DPYSL5: variants seen among roughly 807,000 people sequenced by gnomAD.
DPYSL5 encodes dihydropyrimidinase-related protein 5.
A neutral mutation model predicts 58.4 loss-of-function variants in DPYSL5; 9 were observed. The ratio of observed to expected loss-of-function variants is 0.15; its 90% CI spans 0.09 to 0.27. DPYSL5 has a LOEUF of 0.27. DPYSL5 is among the 10% of genes least tolerant of loss of function. DPYSL5 has a pLI of 1.00. For missense variants in DPYSL5, 499 were observed against 770.6 expected, an observed-to-expected ratio of 0.65 and a Z score of 4.17; for synonymous variants, 293 against 301.9, an observed-to-expected ratio of 0.97 and a Z score of 0.31.
At chr2:26,878,832 G>A (rs1663481222) in intron 1 of DPYSL5, among the ~76,000 whole-genome samples, 1 of 152,204 alleles carries the variant, frequency 6.6e-6, no homozygotes, top group Non-Finnish European at 1.5e-5. Flanking sequence ...GCGCCACACA[G>A]CTTCTGTCTG....
chr2:26,880,799 C>A (rs557836078), intron 1 of DPYSL5, among the ~76,000 whole-genome samples: 1 of 152,326 alleles, frequency 6.6e-6, no homozygotes, highest in Admixed American at 6.5e-5. Flanking sequence ...GCTTTCTCAC[C>A]GCCATCTCCG....
At chr2:26,902,183 T>G (rs940388150) in intron 2 of DPYSL5, among the ~76,000 whole-genome samples, 1 of 150,012 alleles carries the variant, frequency 6.7e-6, no homozygotes, top group African/African-American at 2.5e-5. Context: ...GGAGAGGGAG[T>G]GAGGAGGGAG....
Position 26,947,117 on chromosome 2 carries a change from G to A in DPYSL5, c.*122G>A, listed in dbSNP as rs1665510523. ...GCACACCACCCGAGGGGGGCCCCGG[G>A]ACCCACGGAGCCCTCCCTATGTCTG... On this transcript the variant is annotated 3_prime_UTR_variant, in exon 13 of 13. Transcript: ENST00000288699. The surrounding 1 kb of genome is among the most constrained non-coding windows in gnomAD (Gnocchi z 4.2). The A allele has an allele frequency of 1.4e-6, 1 of 723,404 alleles. No individual in the cohort carries two copies. 44.8% of individuals were successfully genotyped at this position (723,404 alleles called of 1,614,324 possible).
intron 1 of DPYSL5, among the ~76,000 whole-genome samples, chr2:26,863,809 A>G (rs993645309): frequency 6.6e-6 from 1 of 152,222 alleles, no homozygotes; most frequent in South Asian, 2.1e-4. Flanking sequence ...AACATTTCAT[A>G]TACATAGAAT....
At chr2:26,851,663 C>T in intron 1 of DPYSL5, among the ~76,000 whole-genome samples, 1 of 152,114 alleles carries the variant, frequency 6.6e-6, no homozygotes, top group Non-Finnish European at 1.5e-5. Flanking sequence ...TAAATTGTGG[C>T]CAGGCACAGT....
At chr2:26,918,566 A>G (rs1664632618) in intron 2 of DPYSL5, among the ~76,000 whole-genome samples, 1 of 152,196 alleles carries the variant, frequency 6.6e-6, no homozygotes, top group Non-Finnish European at 1.5e-5. Context: ...CAGCAATCCC[A>G]AGAGAGGCAG....
chr2:26,933,257 G>A lies in DPYSL5; in HGVS notation c.715-1G>A. 1.2e-6 allele frequency: 2 copies of A among 1,614,066 alleles called. No homozygotes were observed. The highest frequency in any genetic ancestry group is 1.7e-6 in the Non-Finnish European group (2 of 1,179,916). On this transcript the variant is annotated splice_acceptor_variant, in intron 6 of 12. Transcript: ENST00000288699. LOFTEE classifies it high-confidence loss of function. The surrounding 1 kb of genome is among the most constrained non-coding windows in gnomAD (Gnocchi z 4.2). ...TACTTCCCACTGTTTCTTGTGTTTA[G>A]ACTCACTGTCCAATCTACCTGGTCA... is the stretch of plus-strand genomic sequence containing the variant.
chr2:26,874,913 C>G (rs925147781), intron 1 of DPYSL5, among the ~76,000 whole-genome samples: 1 of 152,178 alleles, frequency 6.6e-6, no homozygotes, highest in Non-Finnish European at 1.5e-5. Flanking sequence ...ATCTGTAGAT[C>G]AGATTGGAAA....
intron 2 of DPYSL5, among the ~76,000 whole-genome samples, chr2:26,922,303 T>TG (rs1664725450): frequency 1.3e-5 from 2 of 152,178 alleles, no homozygotes; most frequent in Non-Finnish European, 2.9e-5. Flanking sequence ...GCGTGTGGGC[T>TG]GGGGGCAGGC....
intron 5 of DPYSL5, among the ~76,000 whole-genome samples, chr2:26,931,169 A>ATGTGTGTGTGTGTGTGTGTGTG (rs1324624030): frequency 2.2e-5 from 1 of 45,700 alleles, no homozygotes; most frequent in African/African-American, 7.0e-5. Flanking sequence ...ATATATATAT[A>ATGTGTGTGTGTGTGTGTGTGTG]TGTGTGTGTG....
In DPYSL5 at chr2:26,940,126, T is replaced by C. The variant is rs1367762145; in HGVS notation, c.1043T>C (p.Val348Ala). ...GACTTCACCAAGATCCCACATGGAG[T>C]GAGTGGCGTGCAGGACCGCATGAGC... ...KEDFTKIPHG[V>A]SGVQDRMSVI... The change falls in exon 9 of 13, where the codon GTG becomes GCG. Residue 348 changes from valine (V) to alanine (A), a missense_variant. Val to Ala is a moderately conservative substitution (Grantham distance 64). Transcript: ENST00000288699. 6.2e-7 allele frequency: 1 copy of C among 1,613,772 alleles called. No homozygotes were observed. Among genetic ancestry groups the C allele is most frequent in the Admixed American group, 1.7e-5 (1 of 59,982 alleles).
chr2:26,873,701 A>C (rs1451080377), intron 1 of DPYSL5, among the ~76,000 whole-genome samples: 2 of 152,212 alleles, frequency 1.3e-5, no homozygotes, highest in Non-Finnish European at 2.9e-5. Context: ...TCACATGTTT[A>C]AATGGTTGAA....
intron 6 of DPYSL5, among the ~76,000 whole-genome samples, chr2:26,932,095 AAGAGAAAG>A (rs1443906650): frequency 5.1e-5 from 3 of 59,306 alleles, no homozygotes; most frequent in South Asian, 5.8e-4. Flanking sequence ...AGAAAAAAGA[AAGAGAAAG>A]AAAGAAAAGA....
At chr2:26,910,616 C>CTTT (rs34929540) in intron 2 of DPYSL5, among the ~76,000 whole-genome samples, 2,120 of 118,154 alleles carry the variant, frequency 0.018, 56 homozygotes, top group African/African-American at 0.044. Context: ...TCTTCTTCTT[C>CTTT]TTTTTTTTTT....
chr2:26,940,353 A>G (rs1665284345), intron 9 of DPYSL5, among the ~76,000 whole-genome samples, 181 bp downstream of exon 9: 2 of 152,162 alleles, frequency 1.3e-5, no homozygotes, highest in Admixed American at 6.5e-5. Flanking sequence ...CTTTCCCCCA[A>G]TTAGAAAGGT....
intron 2 of DPYSL5, among the ~76,000 whole-genome samples, chr2:26,911,397 A>G (rs1664438782): frequency 6.6e-6 from 1 of 152,224 alleles, no homozygotes; most frequent in Admixed American, 6.5e-5. Flanking sequence ...AAACGAATGC[A>G]TTAACCAAGC....
chr2:26,855,116 C>T (rs1298187064), intron 1 of DPYSL5, among the ~76,000 whole-genome samples: 2 of 151,796 alleles, frequency 1.3e-5, no homozygotes, highest in Non-Finnish European at 2.9e-5. Flanking sequence ...CTGCGCCTGG[C>T]CTCCCTTTTA....
chr2:26,922,926 T>C (rs1390753936), intron 2 of DPYSL5, among the ~76,000 whole-genome samples: 1 of 152,152 alleles, frequency 6.6e-6, no homozygotes, highest in East Asian at 1.9e-4. Context: ...GTGCAAGCAG[T>C]CAAACCACTG....
chr2:26,945,682 G>A (rs757382939), intron 12 of DPYSL5, among the ~76,000 whole-genome samples: 2 of 152,232 alleles, frequency 1.3e-5, no homozygotes, highest in Non-Finnish European at 2.9e-5. Context: ...CAGTTGAGCT[G>A]CCTTCAGGAT....
Sources: allele counts gnomAD v4.1 joint callset (sites outside exome capture counted in the v4.1 genomes callset), GRCh38; gene constraint gnomAD v4.1.1; non-coding constraint Gnocchi (gnomAD v3.1); transcripts MANE v1.5; gene names NCBI Gene and HGNC (gene_info 2026-07-23, HGNC 2026-07-21).